The following FGF14 variants were observed in gnomAD, a reference collection of about 807,000 sequenced individuals.
The protein encoded by FGF14 is fibroblast growth factor 14, also known as fibroblast growth factor homologous factor 4.
In FGF14, 5 loss-of-function variants were observed where a neutral mutation model predicts 25.5. The observed-to-expected ratio is 0.20, with a 90% CI of 0.10 to 0.41. The LOEUF (loss-of-function observed/expected upper bound fraction) is 0.41. FGF14 is among the 10% of genes least tolerant of loss of function. FGF14 has a pLI of 1.00. For missense variants in FGF14, 222 were observed against 320.1 expected (o/e 0.69, Z 2.34); for synonymous variants, 138 against 118.3 (o/e 1.17, Z -1.08).
In FGF14 at chr13:101,722,360, T is replaced by G. The variant is rs75498912; in HGVS notation, c.*471A>C. The G allele has an allele frequency of 0.013, 3,117 of 230,910 alleles. 109 individuals are homozygous for G. The highest frequency in any genetic ancestry group is 0.067 in the African/African-American group (2,934 of 43,524). 14.3% of individuals were successfully genotyped at this position (230,910 alleles called of 1,614,324 possible). On this transcript the variant is annotated 3_prime_UTR_variant, in exon 5 of 5. Coordinates refer to ENST00000376143, the MANE Select transcript of FGF14 (RefSeq NM_004115.4). ...ACAGACAGTGGAGCGAGCAGCCCTGTAAAAATGGGAAGAAGAGAAATCCGT... is the reference window on the plus strand; with the variant it reads ...ACAGACAGTGGAGCGAGCAGCCCTGGAAAAATGGGAAGAAGAGAAATCCGT...
At chr13:102,371,535 C>T (rs1023321715) in intron 1 of FGF14, among the ~76,000 whole-genome samples, 3 of 152,120 alleles carry the variant, frequency 2.0e-5, no homozygotes, top group Non-Finnish European at 2.9e-5. Flanking sequence ...AGAAGCAATT[C>T]ATTTCATTGT....
chr13:102,325,195 G>C (rs1161185434), intron 1 of FGF14, among the ~76,000 whole-genome samples: 1 of 150,668 alleles, frequency 6.6e-6, no homozygotes, highest in Non-Finnish European at 1.5e-5. Flanking sequence ...GGATCCCAAA[G>C]GAAAGATGAA....
chr13:102,122,748 T>C (rs674312), intron 1 of FGF14, among the ~76,000 whole-genome samples: 103,197 of 152,110 alleles, frequency 0.68, 36,478 homozygotes, highest in East Asian at 0.9. Context: ...CAAAAATAAA[T>C]GATAGCAAAT....
At chr13:101,737,725 T>G (rs1251139812) in intron 3 of FGF14, among the ~76,000 whole-genome samples, 1 of 152,168 alleles carries the variant, frequency 6.6e-6, no homozygotes, top group African/African-American at 2.4e-5. Context: ...TTAATAATAT[T>G]CTTGCAATTC....
intron 1 of FGF14, among the ~76,000 whole-genome samples, chr13:102,122,553 T>C (rs1212106704): frequency 2.0e-5 from 3 of 152,220 alleles, no homozygotes; most frequent in African/African-American, 7.2e-5. Flanking sequence ...AGTGAGTATC[T>C]TTCAGTTGTT....
intron 1 of FGF14, among the ~76,000 whole-genome samples, chr13:102,200,550 C>T (rs535285312): frequency 3.3e-5 from 5 of 151,736 alleles, no homozygotes; most frequent in African/African-American, 1.2e-4. Context: ...GTTAGAAAAA[C>T]GTCAAGGCAA....
At chr13:102,096,022 A>C (rs2044383240) in intron 1 of FGF14, among the ~76,000 whole-genome samples, 1 of 147,218 alleles carries the variant, frequency 6.8e-6, no homozygotes, top group Non-Finnish European at 1.5e-5. Flanking sequence ...TATATAATAT[A>C]TTTCTTTATT....
chr13:101,853,341 T>C (rs1191417515), intron 3 of FGF14, among the ~76,000 whole-genome samples: 3 of 152,128 alleles, frequency 2.0e-5, no homozygotes, highest in African/African-American at 7.2e-5. Context: ...GAAGCAACTT[T>C]GACACTAACC....
intron 1 of FGF14, among the ~76,000 whole-genome samples, chr13:102,051,003 T>G (rs182505468): frequency 5.9e-5 from 9 of 152,282 alleles, no homozygotes; most frequent in African/African-American, 9.6e-5. Context: ...TTAAGTTGCT[T>G]CAGGAAATTA....
upstream of FGF14, among the ~76,000 whole-genome samples, chr13:101,916,961 C>G (rs966717306): frequency 1.3e-5 from 2 of 151,978 alleles, no homozygotes; most frequent in African/African-American, 4.8e-5. Flanking sequence ...CTGCTGGTCA[C>G]CGCTCGTCGC....
intron 3 of FGF14, among the ~76,000 whole-genome samples, chr13:101,796,318 T>A (rs1398025946): frequency 6.6e-6 from 1 of 152,020 alleles, no homozygotes; most frequent in Admixed American, 6.6e-5. Flanking sequence ...TCCAGATCTC[T>A]CCACTCTGAT....
At chr13:102,209,436 A>G (rs1012796065) in intron 1 of FGF14, among the ~76,000 whole-genome samples, 1 of 152,216 alleles carries the variant, frequency 6.6e-6, no homozygotes, top group Non-Finnish European at 1.5e-5. Context: ...CGCACTATAC[A>G]ATAAATTAAT....
At chr13:102,042,711 AG>A (rs1486428298) in intron 1 of FGF14, among the ~76,000 whole-genome samples, 3 of 152,216 alleles carry the variant, frequency 2.0e-5, no homozygotes, top group Non-Finnish European at 2.9e-5. Flanking sequence ...CTCTAATATT[AG>A]TGATGTGCCA....
intron 1 of FGF14, among the ~76,000 whole-genome samples, chr13:101,931,566 G>A (rs1467391073): frequency 1.3e-5 from 2 of 152,188 alleles, no homozygotes; most frequent in African/African-American, 4.8e-5. Context: ...CCCTGAGTCA[G>A]GGACTTTGTT....
In FGF14 at chr13:102,186,443, C is replaced by T. The variant is rs548849223; in HGVS notation, c.208+215028G>A. 2.5e-4 allele frequency among the ~76,000 whole-genome samples: 38 copies of T among 152,172 alleles called. 1 individual carries two copies. In the South Asian group the frequency reaches 7.7e-3, roughly 31 times the overall value. ...AATCTGCCTGCCCTATCCTCATGGT[C>T]CTTTTACAACAACTACAAAACTAAA... On this transcript the variant is annotated intron_variant, in intron 1 of 4. Transcript: ENST00000376131.
rs537132863 is a variant in FGF14, at chr13:101,946,332, T to A, written c.209-71036A>T. 3.2e-3 allele frequency among the ~76,000 whole-genome samples: 476 copies of A among 147,458 alleles called. 3 individuals carry two copies. The highest frequency in any genetic ancestry group is 5.4e-3 in the Non-Finnish European group (363 of 67,664). ...ACGTCCTGTTGTATTGCCCTTCTGA[T>A]TTCATTTAATAAAAGCAGCTGCTTC... is the stretch of plus-strand genomic sequence containing the variant. On this transcript the variant is annotated intron_variant, in intron 1 of 4. Coordinates refer to the FGF14 transcript ENST00000376131.
chr13:102,330,943 A>G (rs2056616273), intron 1 of FGF14, among the ~76,000 whole-genome samples: 2 of 152,230 alleles, frequency 1.3e-5, no homozygotes, highest in African/African-American at 2.4e-5. Context: ...TGTGTTAAAT[A>G]AATTAATGAA....
At chr13:101,774,732 G>A (rs1180410680) in intron 3 of FGF14, among the ~76,000 whole-genome samples, 1 of 152,034 alleles carries the variant, frequency 6.6e-6, no homozygotes, top group East Asian at 1.9e-4. Context: ...AACTTATGAA[G>A]GTGGTGATGA....
At chr13:102,153,251 A>G (rs183680222) in intron 1 of FGF14, among the ~76,000 whole-genome samples, 25 of 152,360 alleles carry the variant, frequency 1.6e-4, no homozygotes, top group African/African-American at 4.6e-4. Context: ...TGAGAGAGAA[A>G]GAAAAAGAAC....
Sources: allele counts gnomAD v4.1 joint callset (sites outside exome capture counted in the v4.1 genomes callset), GRCh38; gene constraint gnomAD v4.1.1; transcripts MANE v1.5; gene names NCBI Gene and HGNC (gene_info 2026-07-23, HGNC 2026-07-21).